The following MYO1D variants were observed in gnomAD, a reference collection of about 807,000 sequenced individuals.
The protein encoded by MYO1D is unconventional myosin-Id.
MYO1D carries 83 observed loss-of-function variants against 122.0 expected under a neutral mutation model. The observed-to-expected ratio is 0.68, with a 90% CI of 0.57 to 0.82. The LOEUF (loss-of-function observed/expected upper bound fraction) is 0.82. Among genes scored for constraint, MYO1D ranks in the 40% least tolerant of loss-of-function variants. The pLI, the probability that MYO1D is intolerant of heterozygous loss-of-function variation, is 0.00. For synonymous variants in MYO1D, 464 were observed against 446.9 expected, an observed-to-expected ratio of 1.04 and a Z score of -0.48; for missense variants, 1,157 against 1,269.5, an observed-to-expected ratio of 0.91 and a Z score of 1.35.
At chr17:32,659,535 T>G (rs1416805753) in intron 16 of MYO1D, 197 bp from the exon 17 acceptor site, 3 of 597,084 alleles carry the variant, frequency 5.0e-6, no homozygotes, top group Non-Finnish European at 8.9e-6. Context: ...GTCATTTTGT[T>G]TCAGCTGTCT....
At chr17:32,682,588 C>T (rs1041690485) in intron 16 of MYO1D, among the ~76,000 whole-genome samples, 1,967 of 149,042 alleles carry the variant, frequency 0.013, 40 homozygotes, top group African/African-American at 0.045. Context: ...CCCCCACTCT[C>T]TTCTGGCTTG....
At chr17:32,538,721 A>G (rs146657855) in intron 21 of MYO1D, among the ~76,000 whole-genome samples, 2 of 152,180 alleles carry the variant, frequency 1.3e-5, no homozygotes, top group Admixed American at 1.3e-4. Context: ...GATAGACCGG[A>G]TAAAGAAAAT....
At chr17:32,678,659 T>C (rs1377992260) in intron 16 of MYO1D, among the ~76,000 whole-genome samples, 5 of 149,716 alleles carry the variant, frequency 3.3e-5, no homozygotes, top group Non-Finnish European at 5.9e-5. Flanking sequence ...AGTCTATCAT[T>C]GTTGGACATT....
rs116844811 is a variant in MYO1D, at chr17:32,561,329, G to C, written c.2864+43758C>G. Among the ~76,000 whole-genome samples, 119 of 150,810 alleles carry C rather than the reference G, an allele frequency of 7.9e-4. 1 individual carries two copies. In the East Asian group the frequency reaches 0.02, roughly 25 times the overall value. On this transcript the variant is annotated intron_variant, in intron 21 of 21. Transcript: ENST00000318217. ...TTCTACATTTGTAAGTTCTTTTTTT[G>C]CTTCAATTTTTTTCCAACTCTCTCC...
intron 1 of MYO1D, among the ~76,000 whole-genome samples, chr17:32,846,511 T>C (rs1474573248): frequency 6.6e-6 from 1 of 152,232 alleles, no homozygotes; most frequent in Non-Finnish European, 1.5e-5. Context: ...CTTTGTGTTT[T>C]GAAATCTACA....
intron 1 of MYO1D, among the ~76,000 whole-genome samples, chr17:32,834,070 T>G (rs2090797418): frequency 6.6e-6 from 1 of 152,190 alleles, no homozygotes; most frequent in Non-Finnish European, 1.5e-5. Flanking sequence ...TTGCTTACTA[T>G]TTTACCTGTC....
intron 13 of MYO1D, among the ~76,000 whole-genome samples, chr17:32,742,222 T>C (rs1775015319): frequency 6.6e-6 from 1 of 152,154 alleles, no homozygotes; most frequent in African/African-American, 2.4e-5. Context: ...TATATGTAAA[T>C]ACTACACCAT....
chr17:32,802,268 A>G lies in MYO1D; in HGVS notation c.96-21484T>C, dbSNP rs114515475. ...TTTTGCTAATAAGCTTCCTCTTTGG[A>G]CACAGAGAAGCAACGCGTTTATTTA... On this transcript the variant is annotated intron_variant, in intron 1 of 21. Transcript: ENST00000318217. Among the ~76,000 whole-genome samples, 528 of 152,358 alleles carry G rather than the reference A, an allele frequency of 3.5e-3. 3 individuals are homozygous for G. Among genetic ancestry groups the G allele is most frequent in the African/African-American group, 0.012 (493 of 41,582 alleles).
chr17:32,753,013 T>C (rs1009471189), intron 11 of MYO1D, among the ~76,000 whole-genome samples: 1 of 152,068 alleles, frequency 6.6e-6, no homozygotes, highest in African/African-American at 2.4e-5. Flanking sequence ...ATGGAAACAA[T>C]CAATCTAAGT....
chr17:32,649,123 C>T (rs1286801203), intron 19 of MYO1D, among the ~76,000 whole-genome samples: 1 of 152,186 alleles, frequency 6.6e-6, no homozygotes, highest in Non-Finnish European at 1.5e-5. Flanking sequence ...ATAAACTCTA[C>T]ACTACTTTAT....
At chr17:32,645,146 G>A (rs1757467925) in intron 19 of MYO1D, among the ~76,000 whole-genome samples, 1 of 152,198 alleles carries the variant, frequency 6.6e-6, no homozygotes, top group Non-Finnish European at 1.5e-5. Context: ...TGTCTGTAAA[G>A]TATTTTATTT....
In MYO1D at chr17:32,745,288, A is replaced by G. The variant is rs2089822596; in HGVS notation, c.1539-3T>C. 3 of 1,525,614 alleles carry G rather than the reference A, an allele frequency of 2.0e-6. No homozygotes were observed. The highest frequency in any genetic ancestry group is 2.7e-6 in the Non-Finnish European group (3 of 1,113,294). The allele number at this position is 1,525,614 out of a possible 1,614,324, so 94.5% of individuals were successfully genotyped here. A position where few individuals can be genotyped will look rare whatever the true frequency, so the allele number is the denominator to read the frequency against. On this transcript the variant is annotated splice_region_variant and splice_polypyrimidine_tract_variant and intron_variant, in intron 12 of 21. Transcript: ENST00000318217. ...CAATAAAACCAATGACAGAATAGCT[A>G]ACAGGGAAAAATCACAGAAAACATG...
intron 21 of MYO1D, among the ~76,000 whole-genome samples, chr17:32,560,560 T>TATATATAA: frequency 7.9e-6 from 1 of 126,660 alleles, no homozygotes; most frequent in East Asian, 2.5e-4. Flanking sequence ...TATATATATA[T>TATATATAA]ATATATATAT....
intron 20 of MYO1D, among the ~76,000 whole-genome samples, chr17:32,629,216 G>C (rs2150931957): frequency 1.3e-5 from 2 of 152,288 alleles, no homozygotes; most frequent in Middle Eastern, 6.8e-3. Flanking sequence ...CGTAGGTTCA[G>C]GGGAAAGAGG....
At position 32,607,975 on chromosome 17, in the gene MYO1D, C is replaced by T. The variant is rs190195766; in HGVS notation, c.2710-2734G>A. Among the ~76,000 whole-genome samples the T allele has an allele frequency of 1.6e-3, 243 of 152,220 alleles. 2 individuals are homozygous for T. Among genetic ancestry groups the T allele is most frequent in the African/African-American group, 5.5e-3 (228 of 41,510 alleles). On this transcript the variant is annotated intron_variant, in intron 20 of 21. Coordinates refer to ENST00000318217, the MANE Select transcript of MYO1D (RefSeq NM_015194.3). ...AAAAGTCTACCTAAATCTCACATCT[C>T]GTAAACAATTCAGAGTGCACTATAA...
intron 14 of MYO1D, among the ~76,000 whole-genome samples, chr17:32,729,602 C>A (rs2150997139): frequency 6.6e-6 from 1 of 152,218 alleles, no homozygotes; most frequent in Non-Finnish European, 1.5e-5. Flanking sequence ...GAGGAAAGAC[C>A]TGGCCAAAAT....
chr17:32,532,034 G>A (rs918416901), intron 21 of MYO1D, among the ~76,000 whole-genome samples: 9 of 152,292 alleles, frequency 5.9e-5, no homozygotes, highest in African/African-American at 2.2e-4. Flanking sequence ...TTGGGAAGTG[G>A]CAGCTAATCC....
At chr17:32,637,540 G>A (rs923968088) in intron 20 of MYO1D, among the ~76,000 whole-genome samples, 12 of 152,150 alleles carry the variant, frequency 7.9e-5, no homozygotes, top group African/African-American at 9.6e-5. Context: ...GCATGGTGGC[G>A]TGCACCTCTA....
chr17:32,833,539 AT>A (rs1226584957), intron 1 of MYO1D, among the ~76,000 whole-genome samples: 2 of 152,178 alleles, frequency 1.3e-5, no homozygotes. Context: ...ACATCATGCC[AT>A]TCCTCTGCTC....
Sources: gnomAD v4.1 joint callset for allele counts (sites outside exome capture counted in the v4.1 genomes callset) on GRCh38, gnomAD v4.1.1 for gene constraint, MANE v1.5 for transcripts, NCBI Gene and HGNC (gene_info 2026-07-23, HGNC 2026-07-21) for gene names.